IFT74: variants seen among roughly 807,000 people sequenced by gnomAD.
The protein encoded by IFT74 is intraflagellar transport 74.
In IFT74, 92 loss-of-function variants were observed where a neutral mutation model predicts 96.7. The observed-to-expected ratio is 0.95, with a 90% confidence interval of 0.80 to 1.13. IFT74 has a LOEUF of 1.13. Among genes scored for constraint, IFT74 ranks in the 50% most tolerant of loss-of-function variants. IFT74 has a pLI of 0.00. For missense variants in IFT74, 811 were observed against 698.2 expected, an observed-to-expected ratio of 1.16 and a Z score of -1.82; for synonymous variants, 223 against 213.2, an observed-to-expected ratio of 1.05 and a Z score of -0.40.
chr9:27,003,201 GT>G (rs1335521669), intron 8 of IFT74, among the ~76,000 whole-genome samples: 1 of 150,958 alleles, frequency 6.6e-6, no homozygotes, highest in African/African-American at 2.4e-5. Flanking sequence ...AGTATTTAGG[GT>G]TTGTTTTTTT....
chr9:26,949,583 C>T (rs148260014), intron 1 of IFT74, among the ~76,000 whole-genome samples: 175 of 152,210 alleles, frequency 1.1e-3, no homozygotes, highest in African/African-American at 3.9e-3. Context: ...GTGTAATTGC[C>T]TGCTGCCTTC....
chr9:26,967,517 A>G (rs1826679502), intron 2 of IFT74, among the ~76,000 whole-genome samples: 2 of 152,166 alleles, frequency 1.3e-5, no homozygotes, highest in Admixed American at 6.5e-5. Context: ...TTTTCCAAAT[A>G]TAAGATCATA....
intron 1 of IFT74, among the ~76,000 whole-genome samples, chr9:26,949,075 C>G (rs1005753778): frequency 1.3e-5 from 2 of 152,046 alleles, no homozygotes; most frequent in Non-Finnish European, 2.9e-5. Context: ...TTACTGCATT[C>G]TAATATGTTC....
intron 12 of IFT74, among the ~76,000 whole-genome samples, chr9:27,023,281 T>G (rs1375615923): frequency 6.6e-6 from 1 of 152,212 alleles, no homozygotes; most frequent in African/African-American, 2.4e-5. Flanking sequence ...TTCAGTATAA[T>G]GTTGGCTGTG....
At chr9:27,003,102 A>T (rs1053093074) in intron 8 of IFT74, among the ~76,000 whole-genome samples, 1 of 152,148 alleles carries the variant, frequency 6.6e-6, no homozygotes, top group East Asian at 1.9e-4. Context: ...CACTGTTGGC[A>T]TATCTAAATT....
At chr9:27,014,696 G>A (rs538055762) in intron 10 of IFT74, among the ~76,000 whole-genome samples, 2 of 152,168 alleles carry the variant, frequency 1.3e-5, no homozygotes, top group South Asian at 4.2e-4. Context: ...TGCAACCTCC[G>A]CCTTCTGAGT....
intron 2 of IFT74, among the ~76,000 whole-genome samples, chr9:26,968,530 G>T (rs1458681612): frequency 6.6e-6 from 1 of 152,204 alleles, no homozygotes. Context: ...AAAGTGTTGG[G>T]ATTACAGGCG....
rs563698798 is a variant in IFT74, at chr9:27,062,878, G to T, written c.*142G>T. 5 of 584,258 alleles carry T rather than the reference G, an allele frequency of 8.6e-6. No homozygotes were observed. The South Asian group carries it at 1.2e-4, about 14-fold the overall frequency. The allele number at this position is 584,258 out of a possible 1,614,324, so 36.2% of individuals were successfully genotyped here. A position where few individuals can be genotyped will look rare whatever the true frequency, so the allele number is the denominator to read the frequency against. Reference sequence around the variant, plus strand: ...TTATAATTTTTGTGGCCTCTTTTAAGAATGATATTTTAAAATAGTAAATAG... The same window carrying T: ...TTATAATTTTTGTGGCCTCTTTTAATAATGATATTTTAAAATAGTAAATAG... On this transcript the variant is annotated 3_prime_UTR_variant, in exon 20 of 20. Coordinates refer to ENST00000380062, the MANE Select transcript of IFT74 (RefSeq NM_025103.4).
At chr9:27,002,860 A>G (rs186879628) in intron 8 of IFT74, among the ~76,000 whole-genome samples, 1 of 152,172 alleles carries the variant, frequency 6.6e-6, no homozygotes, top group Non-Finnish European at 1.5e-5. Context: ...ATTGCATTGA[A>G]TCAGTAAATT....
chr9:27,056,877 T>C (rs1043000802), intron 18 of IFT74, among the ~76,000 whole-genome samples: 1 of 151,674 alleles, frequency 6.6e-6, no homozygotes, highest in Non-Finnish European at 1.5e-5. Context: ...GATAGATAGA[T>C]AGATAGATAG....
At chr9:27,045,766 T>G (rs1433744869) in intron 14 of IFT74, among the ~76,000 whole-genome samples, 1 of 152,190 alleles carries the variant, frequency 6.6e-6, no homozygotes, top group Non-Finnish European at 1.5e-5. Context: ...CATGGAGGCA[T>G]GCAATAAAAG....
At position 27,062,817 on chromosome 9, in the gene IFT74, AG is replaced by A; in HGVS notation, c.*82del. ...CAAGTTGACTACCAAAAAAAAAAAAAGCTTACTTTTGGAGTTTACCTAAAAT... is the reference window on the plus strand; with the variant it reads ...CAAGTTGACTACCAAAAAAAAAAAAACTTACTTTTGGAGTTTACCTAAAAT... On this transcript the variant is annotated 3_prime_UTR_variant, in exon 20 of 20. Transcript: ENST00000380062. 1.3e-6 allele frequency: 1 copy of A among 759,926 alleles called. No homozygotes were observed. The highest frequency in any genetic ancestry group is 2.2e-6 in the Non-Finnish European group (1 of 459,230). 47.1% of individuals were successfully genotyped at this position (759,926 alleles called of 1,614,324 possible).
intron 12 of IFT74, among the ~76,000 whole-genome samples, chr9:27,022,770 G>A (rs1356734522): frequency 1.3e-5 from 2 of 151,814 alleles, no homozygotes; most frequent in African/African-American, 4.8e-5. Context: ...AGCCTCCCGA[G>A]TAGCTGGGAC....
chr9:26,997,849 G>C (rs140858779), intron 8 of IFT74: 2 of 1,614,172 alleles, frequency 1.2e-6, no homozygotes, highest in South Asian at 2.2e-5. Context: ...CATCCAAATA[G>C]CTAATCAAAT....
At chr9:26,988,942 G>T (rs984482778) in intron 7 of IFT74, among the ~76,000 whole-genome samples, 1 of 152,118 alleles carries the variant, frequency 6.6e-6, no homozygotes, top group Non-Finnish European at 1.5e-5. Context: ...GGTGTTTAGT[G>T]ACTGTCTACT....
intron 12 of IFT74, among the ~76,000 whole-genome samples, chr9:27,024,805 C>T (rs1031796355): frequency 1.3e-5 from 2 of 151,396 alleles, no homozygotes; most frequent in Non-Finnish European, 2.9e-5. Context: ...AAATATGTAG[C>T]ATAAATAAAA....
intron 12 of IFT74, among the ~76,000 whole-genome samples, chr9:27,026,590 A>T (rs1055079110): frequency 6.6e-6 from 1 of 152,204 alleles, no homozygotes; most frequent in Non-Finnish European, 1.5e-5. Flanking sequence ...AACAAGTCTC[A>T]ATAAATTTAA....
chr9:26,988,748 C>G lies in IFT74; in HGVS notation c.525+20C>G, dbSNP rs748675324. ...AATATGGTAAGAAAATTTATAAAAGCAAATTGATCTATGTAAGTCATATCC... is the reference window on the plus strand; with the variant it reads ...AATATGGTAAGAAAATTTATAAAAGGAAATTGATCTATGTAAGTCATATCC... On this transcript the variant is annotated intron_variant, in intron 7 of 19. Coordinates refer to ENST00000380062, the MANE Select transcript of IFT74 (RefSeq NM_025103.4). The G allele has an allele frequency of 6.6e-7, 1 of 1,504,040 alleles. No individual in the cohort carries two copies. Among genetic ancestry groups the G allele is most frequent in the African/African-American group, 1.4e-5 (1 of 71,250 alleles). The allele number at this position is 1,504,040 out of a possible 1,614,324, so 93.2% of individuals were successfully genotyped here. A position where few individuals can be genotyped will look rare whatever the true frequency, so the allele number is the denominator to read the frequency against.
intron 10 of IFT74, among the ~76,000 whole-genome samples, chr9:27,016,424 A>G (rs754597186): frequency 1.3e-5 from 2 of 152,230 alleles, no homozygotes; most frequent in Non-Finnish European, 1.5e-5. Flanking sequence ...TAAAGGTCAA[A>G]TTGACAGGTT....
Sources: allele counts gnomAD v4.1 joint callset (sites outside exome capture counted in the v4.1 genomes callset), GRCh38; gene constraint gnomAD v4.1.1; transcripts MANE v1.5; gene names NCBI Gene and HGNC (gene_info 2026-07-23, HGNC 2026-07-21).